The following DYNC2H1 variants were observed in gnomAD, a reference collection of about 807,000 sequenced individuals.
The protein encoded by DYNC2H1 is cytoplasmic dynein 2 heavy chain 1.
DYNC2H1 carries 410 observed loss-of-function variants against 570.0 expected under a neutral mutation model. The ratio of observed to expected loss-of-function variants is 0.72; its 90% confidence interval spans 0.66 to 0.78. The LOEUF (loss-of-function observed/expected upper bound fraction) is 0.78. DYNC2H1 is among the 30% of genes least tolerant of loss of function. The pLI is 0.00. For missense variants in DYNC2H1, 4,865 were observed against 5,046.4 expected (o/e 0.96, Z 1.09); for synonymous variants, 1,688 against 1,677.6 (o/e 1.01, Z -0.15).
intron 47 of DYNC2H1, among the ~76,000 whole-genome samples, chr11:103,193,619 C>T (rs1223131974): frequency 6.6e-6 from 1 of 151,970 alleles, no homozygotes; most frequent in African/African-American, 2.4e-5. Flanking sequence ...TCTCGGCCCA[C>T]CGCAACCTCC....
intron 85 of DYNC2H1, among the ~76,000 whole-genome samples, chr11:103,450,332 T>C (rs1453582250): frequency 6.6e-6 from 1 of 152,174 alleles, no homozygotes; most frequent in Non-Finnish European, 1.5e-5. Flanking sequence ...TATAAAAGAC[T>C]TGAGTAACAC....
intron 82 of DYNC2H1, among the ~76,000 whole-genome samples, chr11:103,348,422 C>G (rs1047392951): frequency 8.5e-5 from 13 of 152,086 alleles, no homozygotes; most frequent in African/African-American, 3.1e-4. Flanking sequence ...CCCATTACCC[C>G]CAAAAGTTTT....
intron 47 of DYNC2H1, among the ~76,000 whole-genome samples, chr11:103,196,280 G>A (rs534802978): frequency 6.6e-6 from 1 of 152,196 alleles, no homozygotes; most frequent in South Asian, 2.1e-4. Context: ...TGAGATGTGA[G>A]GATAATAGTT....
chr11:103,131,562 TTTC>T (rs1373342269), intron 13 of DYNC2H1, among the ~76,000 whole-genome samples: 1 of 152,182 alleles, frequency 6.6e-6, no homozygotes, highest in African/African-American at 2.4e-5. Context: ...GATATTTTTT[TTTC>T]TTCTTTAAAG....
chr11:103,174,771 G>A (rs989240749), intron 36 of DYNC2H1, among the ~76,000 whole-genome samples: 3 of 152,064 alleles, frequency 2.0e-5, no homozygotes, highest in African/African-American at 4.8e-5. Flanking sequence ...GACATCACTA[G>A]TTATGTTAAC....
At chr11:103,274,103 G>A (rs897469180) in intron 70 of DYNC2H1, among the ~76,000 whole-genome samples, 25 of 151,586 alleles carry the variant, frequency 1.6e-4, no homozygotes, top group Non-Finnish European at 4.4e-5. Context: ...AAATGTAGTA[G>A]TACTGTGTGT....
intron 17 of DYNC2H1, among the ~76,000 whole-genome samples, chr11:103,139,289 C>A (rs1163606612): frequency 1.3e-5 from 2 of 150,088 alleles, no homozygotes; most frequent in East Asian, 2.0e-4. Context: ...TTTTCTAGTT[C>A]TTTTAATTGT....
rs1395113153 is a variant in DYNC2H1, at chr11:103,319,472, T to C, written c.11726-1557T>C. ...AAATTAGGAATGATAGTAGACACTA[T>C]CTCAGTTTATTCGAATATCCAGAAG... is the stretch of plus-strand genomic sequence containing the variant. On this transcript the variant is annotated intron_variant, in intron 80 of 88. Transcript: ENST00000375735. This position sits in a 1 kb window ranked among gnomAD's most constrained non-coding sequence, Gnocchi z 4.3. Among the ~76,000 whole-genome samples, 1 of 152,182 alleles carries C rather than the reference T, an allele frequency of 6.6e-6. No individual in the cohort carries two copies. The highest frequency in any genetic ancestry group is 1.5e-5 in the Non-Finnish European group (1 of 67,994).
intron 12 of DYNC2H1, among the ~76,000 whole-genome samples, chr11:103,127,521 A>G (rs1859061149): frequency 1.3e-5 from 2 of 152,206 alleles, no homozygotes; most frequent in African/African-American, 4.8e-5. Flanking sequence ...ATATTTTTAC[A>G]TGTATTAGTG....
rs574127635 is a variant in DYNC2H1 at position 103,393,353 on chromosome 11, C to T, written c.12157-6310C>T. 4.6e-5 allele frequency among the ~76,000 whole-genome samples: 7 copies of T among 152,256 alleles called. No homozygotes were observed. In the South Asian group the frequency reaches 1.5e-3, roughly 32 times the overall value. The stretch of plus-strand genomic sequence containing the variant: ...ATTATTCTACTAGTTTGCCTGTTTA[C>T]TTGATAGCTTCACAGAGCAGAATCA... On this transcript the variant is annotated intron_variant, in intron 83 of 88. Coordinates refer to ENST00000375735, the MANE Select transcript of DYNC2H1 (RefSeq NM_001377.3).
rs961478666 is a variant in DYNC2H1 at position 103,326,855 on chromosome 11, G to T, written c.12039+2865G>T. Among the ~76,000 whole-genome samples, 12 of 152,178 alleles carry T rather than the reference G, an allele frequency of 7.9e-5. No homozygotes were observed. Among genetic ancestry groups the T allele is most frequent in the Non-Finnish European group, 1.2e-4 (8 of 68,014 alleles). On this transcript the variant is annotated intron_variant, in intron 82 of 88. Coordinates refer to ENST00000375735, the MANE Select transcript of DYNC2H1 (RefSeq NM_001377.3). The surrounding 1 kb of genome is among the most constrained non-coding windows in gnomAD (Gnocchi z 6.1). ...GGGTGATGAGGACCCCTGGGGGAAT[G>T]GGCACTTAGGGCCTTACTCTACTAC... is the stretch of plus-strand genomic sequence containing the variant.
chr11:103,339,197 C>T (rs190238522), intron 82 of DYNC2H1, among the ~76,000 whole-genome samples: 4 of 152,208 alleles, frequency 2.6e-5, no homozygotes, highest in African/African-American at 7.2e-5. Context: ...TTATGCTTGG[C>T]TGCCTTGAGT....
Position 103,256,668 on chromosome 11 carries a change from C to T in DYNC2H1, c.10461+428C>T, listed in dbSNP as rs551737160. Among the ~76,000 whole-genome samples, 376 of 152,232 alleles carry T rather than the reference C, an allele frequency of 2.5e-3. 7 individuals carry two copies. Among genetic ancestry groups the T allele is most frequent in the Non-Finnish European group, 3.2e-3 (215 of 68,000 alleles). ...TGGCTCTTTTCATGCTTATAATGAACAGTGCTGGGTACTTTATTATCCTAA... is the reference window on the plus strand; with the variant it reads ...TGGCTCTTTTCATGCTTATAATGAATAGTGCTGGGTACTTTATTATCCTAA... On this transcript the variant is annotated intron_variant, in intron 68 of 88. Transcript: ENST00000375735. The surrounding 1 kb of genome is among the most constrained non-coding windows in gnomAD (Gnocchi z 4.0).
intron 74 of DYNC2H1, among the ~76,000 whole-genome samples, chr11:103,287,220 C>T (rs1866387067): frequency 6.6e-6 from 1 of 152,028 alleles, no homozygotes; most frequent in Admixed American, 6.6e-5. Flanking sequence ...TGTTTGCTGT[C>T]AACAGAAATG....
intron 78 of DYNC2H1, among the ~76,000 whole-genome samples, chr11:103,309,975 CTA>C (rs1228845854): frequency 6.6e-6 from 1 of 151,922 alleles, no homozygotes; most frequent in African/African-American, 2.4e-5. Context: ...TCTTGAATCA[CTA>C]TAGGAAATTT....
intron 84 of DYNC2H1, chr11:103,404,579 GATTAA>G (rs1359835310): frequency 6.7e-6 from 1 of 148,236 alleles, no homozygotes; most frequent in Non-Finnish European, 1.5e-5. Flanking sequence ...GTGGGGAAAA[GATTAA>G]ATTAACACCT....
chr11:103,168,700 T>A (rs572119685), intron 31 of DYNC2H1, 55 bp from the exon 32 acceptor site: 2 of 1,547,996 alleles, frequency 1.3e-6, no homozygotes. Context: ...TCATAAATTA[T>A]ATAAATCACA....
chr11:103,458,370 A>G lies in DYNC2H1; in HGVS notation c.12648+2014A>G, dbSNP rs181235548. 2.0e-5 allele frequency among the ~76,000 whole-genome samples: 3 copies of G among 152,244 alleles called. No individual in the cohort carries two copies. In the East Asian group the frequency reaches 5.8e-4, roughly 29 times the overall value. ...TCTAGGTTTGTTTAAGTACACTCTC[A>G]TGTTCACACAGTGATGAAGTCACCT... On this transcript the variant is annotated intron_variant, in intron 87 of 88. Transcript: ENST00000375735.
intron 85 of DYNC2H1, among the ~76,000 whole-genome samples, chr11:103,442,098 G>A (rs1216799761): frequency 1.3e-5 from 2 of 152,096 alleles, no homozygotes; most frequent in Non-Finnish European, 2.9e-5. Context: ...ATTATACCCA[G>A]AAGAGAAACC....
Sources: allele counts gnomAD v4.1 joint callset (sites outside exome capture counted in the v4.1 genomes callset), GRCh38; gene constraint gnomAD v4.1.1; non-coding constraint Gnocchi (gnomAD v3.1); transcripts MANE v1.5; gene names NCBI Gene and HGNC (gene_info 2026-07-23, HGNC 2026-07-21).